Variants in B4GALT1 observed in about 807,000 individuals in gnomAD.
B4GALT1 encodes N-acetyllactosamine synthase.
B4GALT1 carries 16 observed loss-of-function variants against 34.9 expected under a neutral mutation model. That is an observed-to-expected ratio of 0.46 (90% CI 0.31 to 0.70). The LOEUF (loss-of-function observed/expected upper bound fraction) is 0.70, where lower values mean the gene tolerates loss of function less well. Ranked by LOEUF, B4GALT1 falls within the 30% of genes least tolerant of loss-of-function variation. The probability of loss-of-function intolerance (pLI) is 0.05; values close to 1 mark genes in which losing one functional copy is unlikely to be tolerated. For missense variants in B4GALT1, 445 were observed against 530.5 expected (o/e 0.84, Z 1.58); for synonymous variants, 221 against 218.1 (o/e 1.01, Z -0.12).
chr9:33,149,007 A>G (rs556014829), intron 1 of B4GALT1, among the ~76,000 whole-genome samples: 5 of 152,160 alleles, frequency 3.3e-5, no homozygotes, highest in East Asian at 1.9e-4. Flanking sequence ...GTCTGCATTA[A>G]TATATGAATT....
Position 33,113,791 on chromosome 9 carries a change from A to G in B4GALT1, c.1047T>C (p.Asn349=). 6.2e-7 allele frequency: 1 copy of G among 1,614,010 alleles called. No homozygotes were observed. The highest frequency in any genetic ancestry group is 1.6e-4 in the Middle Eastern group (1 of 6,062). ...RMIRHSRDKK[N]EPNPQRFDRI... ...GAATGCACCTCTGAGGATTGGGTTC[A>G]TTTTTCTTGTCTCTTGAGTGGCGGA... The change falls in exon 5 of 6, where the codon AAT becomes AAC. Residue 349 remains asparagine, a synonymous_variant. Transcript: ENST00000379731.
chr9:33,162,651 A>T (rs1024119226), intron 1 of B4GALT1, among the ~76,000 whole-genome samples: 1 of 152,212 alleles, frequency 6.6e-6, no homozygotes, highest in Non-Finnish European at 1.5e-5. Context: ...AGAGCACTAG[A>T]CAATCCCATC....
At position 33,161,891 on chromosome 9, in the gene B4GALT1, T is replaced by C. The variant is rs567297823; in HGVS notation, c.412+4867A>G. ...CAGATAGCAGGGAAATCAGCAGGTA[T>C]GACTACTGAATAAACCTCTTTCACA... On this transcript the variant is annotated intron_variant, in intron 1 of 5. Transcript: ENST00000379731. Among the ~76,000 whole-genome samples, 6 of 152,278 alleles carry C rather than the reference T, an allele frequency of 3.9e-5. No homozygotes were observed. In the East Asian group the frequency reaches 1.2e-3, roughly 29 times the overall value.
chr9:33,167,080 G>A lies in B4GALT1; in HGVS notation c.90C>T (p.Cys30=), dbSNP rs1840772465. ...QRACRLLVAV[C]ALHLGVTLVY... ...CGAGGGTGACGCCAAGGTGCAGAGC[G>A]CAGACGGCCACGAGCAGGCGGCAGG... The change falls in exon 1 of 6, where the codon TGC becomes TGT. Residue 30 remains cysteine (C), a synonymous_variant. Coordinates refer to ENST00000379731, the MANE Select transcript of B4GALT1 (RefSeq NM_001497.4). 1.9e-6 allele frequency: 3 copies of A among 1,603,760 alleles called. No individual in the cohort carries two copies. Among genetic ancestry groups the A allele is most frequent in the Non-Finnish European group, 2.5e-6 (3 of 1,178,998 alleles).
chr9:33,175,756 A>G, the B4GALT1 span, among the ~76,000 whole-genome samples: 3 of 152,348 alleles, frequency 2.0e-5, no homozygotes, highest in South Asian at 2.1e-4. Context: ...AGGCCATACC[A>G]TATAACCTAG....
intron 1 of B4GALT1, among the ~76,000 whole-genome samples, chr9:33,138,530 A>C (rs1840303477): frequency 6.6e-6 from 1 of 152,062 alleles, no homozygotes; most frequent in Non-Finnish European, 1.5e-5. Flanking sequence ...AGCATAGGAG[A>C]GGTGGAAAGA....
intron 1 of B4GALT1, among the ~76,000 whole-genome samples, chr9:33,156,403 G>C (rs1241382940): frequency 6.6e-6 from 1 of 152,130 alleles, no homozygotes; most frequent in Admixed American, 6.6e-5. Flanking sequence ...CAAAGTGCTG[G>C]GAATACGGGT....
chr9:33,177,678 C>A, the B4GALT1 span, among the ~76,000 whole-genome samples: 1 of 152,168 alleles, frequency 6.6e-6, no homozygotes, highest in African/African-American at 2.4e-5. Flanking sequence ...AAAAACTACC[C>A]AAAATGAATC....
chr9:33,180,819 T>C, the B4GALT1 span, among the ~76,000 whole-genome samples: 2 of 152,174 alleles, frequency 1.3e-5, no homozygotes, highest in Non-Finnish European at 2.9e-5. Context: ...CAGTACTATA[T>C]ACACTGGAAA....
chr9:33,136,130 G>A (rs1483021339), intron 1 of B4GALT1, among the ~76,000 whole-genome samples: 1 of 152,112 alleles, frequency 6.6e-6, no homozygotes, highest in African/African-American at 2.4e-5. Context: ...ACAGAAGAAT[G>A]TTTAGTAACA....
chr9:33,173,082 A>C, the B4GALT1 span, among the ~76,000 whole-genome samples: 1 of 152,050 alleles, frequency 6.6e-6, no homozygotes, highest in Admixed American at 6.5e-5. Context: ...TGATGAAGAG[A>C]GTGTTGAACA....
chr9:33,139,959 C>A (rs1840325154), intron 1 of B4GALT1, among the ~76,000 whole-genome samples: 1 of 152,260 alleles, frequency 6.6e-6, no homozygotes, highest in Non-Finnish European at 1.5e-5. Flanking sequence ...CTCGGCTCCC[C>A]CAGCTCAAGC....
At chr9:33,110,146 TGACCCAGGGCCACCAAGGA>T (rs1839837099), downstream of B4GALT1, among the ~76,000 whole-genome samples, 1 of 152,348 alleles carries the variant, frequency 6.6e-6, no homozygotes, top group South Asian at 2.1e-4. Context: ...CCAACCAGCC[TGACCCAGGGCCACCAAGGA>T]GGAGGCACCT....
chr9:33,108,938 GCTAGGAGAATCTTTTGTTCTAA>G (rs1487977606), downstream of B4GALT1, among the ~76,000 whole-genome samples: 1 of 55,758 alleles, frequency 1.8e-5, no homozygotes. Context: ...TAATATTTAT[GCTAGGAGAATCTTTTGTTCTAA>G]TATTTGGTGC....
At chr9:33,172,279 T>C (rs560897111), upstream of B4GALT1, among the ~76,000 whole-genome samples, 1 of 152,112 alleles carries the variant, frequency 6.6e-6, no homozygotes, top group Non-Finnish European at 1.5e-5. Context: ...GGGTGGATTC[T>C]GAGATTAGTA....
intron 1 of B4GALT1, among the ~76,000 whole-genome samples, chr9:33,152,709 G>A (rs1370052856): frequency 6.6e-6 from 1 of 151,852 alleles, no homozygotes; most frequent in Admixed American, 6.6e-5. Flanking sequence ...CCCCATCTCT[G>A]CTAAAAATAC....
chr9:33,104,529 A>G, exon 3 of B4GALT1: 1 of 336,612 alleles, frequency 3.0e-6, no homozygotes, highest in Admixed American at 4.0e-5. Context: ...TTAGGGGAGG[A>G]CAGCATTTGT....
rs981551785 is a variant in B4GALT1, at chr9:33,166,648, G to A, written c.412+110C>T. On this transcript the variant is annotated intron_variant, in intron 1 of 5. Transcript: ENST00000379731. ...GGATTTAAAACTCTGATCCAGAAGA[G>A]GGAGGCTGGCTGTCGTAGAAGAGCC... The A allele has an allele frequency of 9.8e-6, 12 of 1,228,766 alleles. No homozygotes were observed. The African/African-American group carries it at 1.1e-4, about 11-fold the overall frequency. 76.1% of individuals were successfully genotyped at this position (1,228,766 alleles called of 1,614,324 possible). A position where few individuals can be genotyped will look rare whatever the true frequency, so the allele number is the denominator to read the frequency against.
chr9:33,107,617 G>A (rs1046917739), downstream of B4GALT1, among the ~76,000 whole-genome samples: 1 of 152,170 alleles, frequency 6.6e-6, no homozygotes, highest in Non-Finnish European at 1.5e-5. Flanking sequence ...GGTATGTGGG[G>A]GATCTGGTGA....
Sources: allele counts gnomAD v4.1 joint callset (sites outside exome capture counted in the v4.1 genomes callset), GRCh38; gene constraint gnomAD v4.1.1; transcripts MANE v1.5; gene names NCBI Gene and HGNC (gene_info 2026-07-23, HGNC 2026-07-21).